Variants in SLC35F1 observed in about 807,000 individuals in gnomAD.
The protein encoded by SLC35F1 is chromosome 6 open reading frame 169.
A neutral mutation model predicts 48.7 loss-of-function variants in SLC35F1; 14 were observed. The ratio of observed to expected loss-of-function variants is 0.29; its 90% CI spans 0.19 to 0.45. The LOEUF (loss-of-function observed/expected upper bound fraction) is 0.45, where lower values mean the gene tolerates loss of function less well. Ranked by LOEUF, SLC35F1 falls within the 20% of genes least tolerant of loss-of-function variation. The probability of loss-of-function intolerance (pLI) is 1.00; values close to 1 mark genes in which losing one functional copy is unlikely to be tolerated. For missense variants in SLC35F1, 404 were observed against 500.0 expected (o/e 0.81, Z 1.83); for synonymous variants, 190 against 202.2 (o/e 0.94, Z 0.51).
chr6:118,222,501 A>AT (rs1162441604), intron 2 of SLC35F1, among the ~76,000 whole-genome samples: 1 of 151,462 alleles, frequency 6.6e-6, no homozygotes, highest in Non-Finnish European at 1.5e-5. Flanking sequence ...TCACTAATTT[A>AT]TTGGGGGGTA....
Position 118,027,626 on chromosome 6 carries a change from C to T in SLC35F1, c.173+119727C>T, listed in dbSNP as rs539322755. Among the ~76,000 whole-genome samples the T allele has an allele frequency of 7.9e-5, 12 of 152,134 alleles. No homozygotes were observed. In the South Asian group the frequency reaches 1.9e-3, roughly 24 times the overall value. ...TCAAATCTCCCCTCACCTCGCCCTG[C>T]CAAGCTTTTAAAAAAAGTTTGGATG... On this transcript the variant is annotated intron_variant, in intron 1 of 7. Transcript: ENST00000360388.
chr6:118,154,501 T>C lies in SLC35F1; in HGVS notation c.230T>C (p.Ile77Thr). Residue 77 changes from isoleucine (I) to threonine (T), a missense_variant, in exon 2 of 8, where the codon ATT (isoleucine) becomes ACT (threonine). Coordinates refer to ENST00000360388, the MANE Select transcript of SLC35F1 (RefSeq NM_001029858.4). ...GQVLSLLICG[I>T]GLTSKYLSED... is the part of the protein sequence containing the mutation. Reference sequence around the variant, plus strand: ...GTGTTATCCCTCCTTATTTGTGGAATTGGCTTGACTAGCAAGTATCTGTCA... The same window carrying C: ...GTGTTATCCCTCCTTATTTGTGGAACTGGCTTGACTAGCAAGTATCTGTCA... The C allele has an allele frequency of 6.2e-7, 1 of 1,614,018 alleles. No homozygotes were observed. The highest frequency in any genetic ancestry group is 8.5e-7 in the Non-Finnish European group (1 of 1,179,930).
At chr6:117,954,112 C>T (rs1044879610) in intron 1 of SLC35F1, among the ~76,000 whole-genome samples, 6 of 152,110 alleles carry the variant, frequency 3.9e-5, no homozygotes, top group Non-Finnish European at 7.3e-5. Flanking sequence ...CAAACTGATG[C>T]TTTATAGCAA....
chr6:117,966,918 A>G (rs936641856), intron 1 of SLC35F1, among the ~76,000 whole-genome samples: 1 of 152,198 alleles, frequency 6.6e-6, no homozygotes, highest in Non-Finnish European at 1.5e-5. Context: ...AATTCAGTGC[A>G]TCACAAGAGG....
intron 1 of SLC35F1, among the ~76,000 whole-genome samples, chr6:118,027,857 A>C (rs954858026): frequency 6.6e-6 from 1 of 152,084 alleles, no homozygotes; most frequent in Non-Finnish European, 1.5e-5. Context: ...TTTGAGAGAC[A>C]AGATCGGGCA....
At chr6:118,311,542 C>G (rs770253758) in intron 7 of SLC35F1, among the ~76,000 whole-genome samples, 40 of 152,350 alleles carry the variant, frequency 2.6e-4, no homozygotes, top group Admixed American at 1.8e-3. Context: ...GTAATCCTAA[C>G]ACTTTGGGAG....
chr6:117,965,095 C>A (rs1776543990), intron 1 of SLC35F1, among the ~76,000 whole-genome samples: 1 of 152,102 alleles, frequency 6.6e-6, no homozygotes, highest in African/African-American at 2.4e-5. Flanking sequence ...TCTGGTAGAA[C>A]TGACAGTTGA....
chr6:118,118,585 A>T (rs1409110844), intron 1 of SLC35F1, among the ~76,000 whole-genome samples: 1 of 152,120 alleles, frequency 6.6e-6, no homozygotes. Flanking sequence ...CACATGCTTC[A>T]TGCCCATTTG....
intron 1 of SLC35F1, among the ~76,000 whole-genome samples, chr6:118,017,572 T>G (rs1777339057): frequency 6.6e-6 from 1 of 152,192 alleles, no homozygotes; most frequent in Non-Finnish European, 1.5e-5. Flanking sequence ...TAATGGCAAC[T>G]TGGCAACTGC....
intron 1 of SLC35F1, among the ~76,000 whole-genome samples, chr6:118,135,988 G>A (rs1026742552): frequency 2.0e-5 from 3 of 152,190 alleles, no homozygotes; most frequent in African/African-American, 7.2e-5. Context: ...CCTGCGAGAA[G>A]ATGGGGACAT....
Position 118,144,962 on chromosome 6 carries a change from C to T in SLC35F1, c.174-9483C>T, listed in dbSNP as rs147558394. Among the ~76,000 whole-genome samples, 273 of 151,718 alleles carry T rather than the reference C, an allele frequency of 1.8e-3. 1 individual carries two copies. Among genetic ancestry groups the T allele is most frequent in the African/African-American group, 6.0e-3 (248 of 41,340 alleles). On this transcript the variant is annotated intron_variant, in intron 1 of 7. Coordinates refer to ENST00000360388, the MANE Select transcript of SLC35F1 (RefSeq NM_001029858.4). ...TTTATTTTTAATAACAAATTTGTTG[C>T]GGTATAATTTACTTACCATACAATT...
chr6:118,094,405 A>T (rs1431472026), intron 1 of SLC35F1, among the ~76,000 whole-genome samples: 1 of 152,180 alleles, frequency 6.6e-6, no homozygotes. Flanking sequence ...TCAGCTGCAA[A>T]TAAGGAAGGC....
intron 1 of SLC35F1, among the ~76,000 whole-genome samples, chr6:118,051,444 GCTA>G (rs1772390174): frequency 6.6e-6 from 1 of 152,052 alleles, no homozygotes; most frequent in Admixed American, 6.6e-5. Context: ...ATTCTTGCAT[GCTA>G]CTTTTTCAAA....
intron 1 of SLC35F1, among the ~76,000 whole-genome samples, chr6:117,928,304 G>A (rs1030320561): frequency 1.3e-5 from 2 of 152,150 alleles, no homozygotes; most frequent in African/African-American, 4.8e-5. Context: ...GGAAATCTCT[G>A]CATCACTAGA....
intron 2 of SLC35F1, among the ~76,000 whole-genome samples, chr6:118,169,594 A>C (rs1168281729): frequency 6.6e-6 from 1 of 152,106 alleles, no homozygotes; most frequent in Non-Finnish European, 1.5e-5. Flanking sequence ...GCCCCCAGCC[A>C]AGCCACCCAT....
chr6:117,961,992 T>C (rs983298326), intron 1 of SLC35F1, among the ~76,000 whole-genome samples: 2 of 152,236 alleles, frequency 1.3e-5, no homozygotes, highest in African/African-American at 4.8e-5. Flanking sequence ...GTAATTGTTA[T>C]TCATGTGTGT....
intron 1 of SLC35F1, among the ~76,000 whole-genome samples, chr6:117,926,554 A>C (rs925875535): frequency 1.3e-5 from 2 of 152,074 alleles, no homozygotes; most frequent in Non-Finnish European, 2.9e-5. Context: ...ATGTGGTGGC[A>C]GTGGGGGTTA....
intron 1 of SLC35F1, among the ~76,000 whole-genome samples, chr6:118,066,615 A>T (rs1772617432): frequency 6.6e-6 from 1 of 152,196 alleles, no homozygotes; most frequent in African/African-American, 2.4e-5. Flanking sequence ...CTGTGAGATA[A>T]TAAATGTGTG....
At chr6:118,285,823 T>C (rs550722556) in intron 7 of SLC35F1, among the ~76,000 whole-genome samples, 1 of 152,330 alleles carries the variant, frequency 6.6e-6, no homozygotes, top group South Asian at 2.1e-4. Context: ...ATAGTTTTTT[T>C]ACTAAAAGAT....
Sources: gnomAD v4.1 joint callset for allele counts (sites outside exome capture counted in the v4.1 genomes callset) on GRCh38, gnomAD v4.1.1 for gene constraint, MANE v1.5 for transcripts, NCBI Gene and HGNC (gene_info 2026-07-23, HGNC 2026-07-21) for gene names.